ZZZ3: variants seen among roughly 807,000 people sequenced by gnomAD.
ZZZ3 encodes zinc finger ZZ-type containing 3, also known as ZZ-type zinc finger-containing protein 3.
In ZZZ3, 22 loss-of-function variants were observed where a neutral mutation model predicts 95.2. The observed-to-expected ratio is 0.23, with a 90% CI of 0.17 to 0.33. The LOEUF (loss-of-function observed/expected upper bound fraction) is 0.33. ZZZ3 is among the 10% of genes least tolerant of loss of function. The pLI, the probability that ZZZ3 is intolerant of heterozygous loss-of-function variation, is 1.00. For synonymous variants in ZZZ3, 335 were observed against 358.9 expected, an observed-to-expected ratio of 0.93 and a Z score of 0.75; for missense variants, 885 against 1,066.5, an observed-to-expected ratio of 0.83 and a Z score of 2.37.
At chr1:77,674,684 G>C (rs966058741) in intron 1 of ZZZ3, among the ~76,000 whole-genome samples, 2 of 152,120 alleles carry the variant, frequency 1.3e-5, no homozygotes, top group African/African-American at 4.8e-5. Context: ...GGGTGCAGTG[G>C]CTCACACCTG....
At position 77,562,711 on chromosome 1, in the gene ZZZ3, A is replaced by G. The variant is rs1244080324; in HGVS notation, c.*2929T>C. Reference sequence around the variant, plus strand: ...AGCCTTAGTCCCAGCTTTGCCTGAGACTTTGCAAGCCTGGACATATGCTCA... The same window carrying G: ...AGCCTTAGTCCCAGCTTTGCCTGAGGCTTTGCAAGCCTGGACATATGCTCA... On this transcript the variant is annotated 3_prime_UTR_variant, in exon 15 of 15. Coordinates refer to ENST00000370801, the MANE Select transcript of ZZZ3 (RefSeq NM_015534.6). The G allele has an allele frequency of 6.6e-6, 1 of 152,212 alleles. No homozygotes were observed. Among genetic ancestry groups the G allele is most frequent in the African/African-American group, 2.4e-5 (1 of 41,434 alleles). The allele number at this position is 152,212 out of a possible 1,614,324, so 9.4% of individuals were successfully genotyped here. A position where few individuals can be genotyped will look rare whatever the true frequency, so the allele number is the denominator to read the frequency against.
Position 77,638,589 on chromosome 1 carries a change from G to A in ZZZ3, c.-52+860C>T, listed in dbSNP as rs574160647. On this transcript the variant is annotated intron_variant, in intron 4 of 14. Transcript: ENST00000370801. Reference sequence around the variant, plus strand: ...CTACTATAATCACCAAAGTGGTACAGTTTATTTTGGGAATTGAGCAGCTGG... The same window carrying A: ...CTACTATAATCACCAAAGTGGTACAATTTATTTTGGGAATTGAGCAGCTGG... Among the ~76,000 whole-genome samples, 366 of 152,302 alleles carry A rather than the reference G, an allele frequency of 2.4e-3. 2 individuals are homozygous for A. The highest frequency in any genetic ancestry group is 3.3e-3 in the Non-Finnish European group (222 of 68,028).
intron 5 of ZZZ3, among the ~76,000 whole-genome samples, chr1:77,628,352 G>A (rs2100825959): frequency 6.6e-6 from 1 of 152,266 alleles, no homozygotes; most frequent in East Asian, 1.9e-4. Flanking sequence ...ATCCACAGAT[G>A]GAATCTTGCC....
chr1:77,673,487 C>T (rs1671969401), intron 1 of ZZZ3, among the ~76,000 whole-genome samples: 1 of 152,126 alleles, frequency 6.6e-6, no homozygotes, highest in Non-Finnish European at 1.5e-5. Flanking sequence ...ATTCCAGCTA[C>T]TCGGGAGTCT....
In ZZZ3 at chr1:77,633,125, CG is replaced by C; in HGVS notation, c.229del (p.Arg77GlufsTer5). 1 of 1,613,938 alleles carries C rather than the reference CG, an allele frequency of 6.2e-7. No individual in the cohort carries two copies. The highest frequency in any genetic ancestry group is 8.5e-7 in the Non-Finnish European group (1 of 1,180,002). The stretch of plus-strand genomic sequence containing the variant: ...TTTCCTAGGGCTTACCCATGATTCT[CG>C]GGTACTCTGCTGTTTTAAATCAGTG... ...RTTDLKQQSTRESWVSPRKRG... is the reference protein window; with the variant it reads ...RTTDLKQQSTXESWVSPRKRG... On this transcript the variant is annotated frameshift_variant, in exon 5 of 15. Coordinates refer to ENST00000370801, the MANE Select transcript of ZZZ3 (RefSeq NM_015534.6). LOFTEE classifies it high-confidence loss of function.
At position 77,565,000 on chromosome 1, in the gene ZZZ3, C is replaced by A. The variant is rs2100439717; in HGVS notation, c.*640G>T. The A allele has an allele frequency of 6.6e-6, 1 of 152,612 alleles. No homozygotes were observed. The highest frequency in any genetic ancestry group is 1.9e-4 in the East Asian group (1 of 5,204). 9.5% of individuals were successfully genotyped at this position (152,612 alleles called of 1,614,324 possible). On this transcript the variant is annotated 3_prime_UTR_variant, in exon 15 of 15. Coordinates refer to ENST00000370801, the MANE Select transcript of ZZZ3 (RefSeq NM_015534.6). The stretch of plus-strand genomic sequence containing the variant: ...GTGACAATTTTATAACATTCACACA[C>A]CATGAGCTGGTTAAGGAAGCAATGC...
At chr1:77,570,166 G>A (rs1321959344) in intron 12 of ZZZ3, among the ~76,000 whole-genome samples, 3 of 152,114 alleles carry the variant, frequency 2.0e-5, no homozygotes, top group South Asian at 4.1e-4. Context: ...GCAGTGGCGC[G>A]ATCTTGGCTC....
chr1:77,607,094 C>A (rs562073261), intron 5 of ZZZ3, among the ~76,000 whole-genome samples: 1 of 152,294 alleles, frequency 6.6e-6, no homozygotes, highest in South Asian at 2.1e-4. Flanking sequence ...CTAATAAAGA[C>A]ATACTTGAGA....
chr1:77,629,535 T>C (rs1219406587), intron 5 of ZZZ3, among the ~76,000 whole-genome samples: 1 of 152,062 alleles, frequency 6.6e-6, no homozygotes, highest in African/African-American at 2.4e-5. Context: ...GGTGGGAGGA[T>C]AACCTAAGCC....
chr1:77,640,600 CAAA>C (rs78243648), intron 3 of ZZZ3, among the ~76,000 whole-genome samples: 7 of 76,622 alleles, frequency 9.1e-5, no homozygotes, highest in Admixed American at 1.6e-4. Context: ...AACTCAGTCT[CAAA>C]AAAAAAAAAA....
intron 5 of ZZZ3, among the ~76,000 whole-genome samples, chr1:77,611,450 A>C (rs1011989643): frequency 6.6e-6 from 1 of 152,040 alleles, no homozygotes; most frequent in African/African-American, 2.4e-5. Context: ...TCAAAATTCC[A>C]ATGTCATTTT....
At chr1:77,680,399 C>T (rs1672647164) in intron 1 of ZZZ3, among the ~76,000 whole-genome samples, 1 of 152,200 alleles carries the variant, frequency 6.6e-6, no homozygotes, top group African/African-American at 2.4e-5. Flanking sequence ...TGTCCAATTC[C>T]ATTTCAGTAT....
intron 12 of ZZZ3, among the ~76,000 whole-genome samples, chr1:77,571,965 G>A (rs1303481426): frequency 6.6e-6 from 1 of 152,120 alleles, no homozygotes; most frequent in Non-Finnish European, 1.5e-5. Flanking sequence ...ATTTTTTAAA[G>A]CCTCATAGAT....
intron 13 of ZZZ3, 152 bp from the exon 14 acceptor site, chr1:77,566,333 A>G: frequency 2.1e-6 from 1 of 485,214 alleles, no homozygotes; most frequent in South Asian, 4.6e-5. Flanking sequence ...GTTATGTGTT[A>G]GAGACAATTT....
intron 11 of ZZZ3, among the ~76,000 whole-genome samples, chr1:77,577,242 C>T (rs1367097311): frequency 3.9e-5 from 6 of 152,094 alleles, no homozygotes; most frequent in African/African-American, 1.4e-4. Flanking sequence ...ATACAGTACA[C>T]CTAAGGGAAA....
chr1:77,606,321 G>A (rs1280503808), intron 5 of ZZZ3, among the ~76,000 whole-genome samples: 2 of 152,314 alleles, frequency 1.3e-5, no homozygotes, highest in Middle Eastern at 3.4e-3. Context: ...TCGGCTGCAG[G>A]AGAATAGAAC....
At chr1:77,578,213 C>T (rs1425209760) in intron 11 of ZZZ3, among the ~76,000 whole-genome samples, 1 of 152,110 alleles carries the variant, frequency 6.6e-6, no homozygotes, top group Non-Finnish European at 1.5e-5. Flanking sequence ...ACTTATATTT[C>T]AAGAATTGTA....
intron 5 of ZZZ3, among the ~76,000 whole-genome samples, chr1:77,603,051 C>G (rs903607480): frequency 1.3e-5 from 2 of 151,656 alleles, no homozygotes; most frequent in Non-Finnish European, 2.9e-5. Flanking sequence ...TTCTGAAAAC[C>G]AGAACATACC....
chr1:77,571,655 AC>A (rs1661397631), intron 12 of ZZZ3, among the ~76,000 whole-genome samples: 1 of 152,250 alleles, frequency 6.6e-6, no homozygotes, highest in Non-Finnish European at 1.5e-5. Context: ...TGAAGACCAT[AC>A]GCTGGGTGAA....
Sources: allele counts gnomAD v4.1 joint callset (sites outside exome capture counted in the v4.1 genomes callset), GRCh38; gene constraint gnomAD v4.1.1; transcripts MANE v1.5; gene names NCBI Gene and HGNC (gene_info 2026-07-23, HGNC 2026-07-21).